The following SEPTIN2 variants were observed in gnomAD, a reference collection of about 807,000 sequenced individuals.
SEPTIN2 encodes septin-2.
Under a neutral mutation model 46.5 loss-of-function variants are expected in SEPTIN2, and 34 were observed. That is an observed-to-expected ratio of 0.73 (90% CI 0.56 to 0.97). The LOEUF (loss-of-function observed/expected upper bound fraction) is 0.97, where lower values mean the gene tolerates loss of function less well. SEPTIN2 is among the 50% of genes least tolerant of loss of function. The pLI, the probability that SEPTIN2 is intolerant of heterozygous loss-of-function variation, is 0.00. For missense variants in SEPTIN2, 347 were observed against 448.4 expected (o/e 0.77, Z 2.04); for synonymous variants, 175 against 153.4 (o/e 1.14, Z -1.04).
chr2:241,339,159 T>TGAGGC (rs2080899724), intron 7 of SEPTIN2, among the ~76,000 whole-genome samples: 1 of 149,654 alleles, frequency 6.7e-6, no homozygotes, highest in African/African-American at 2.5e-5. Context: ...TTTGGAAGGC[T>TGAGGC]GAGGCAGGCA....
intron 1 of SEPTIN2, among the ~76,000 whole-genome samples, chr2:241,322,848 CAA>C (rs1009543229): frequency 6.6e-6 from 1 of 151,778 alleles, no homozygotes; most frequent in African/African-American, 2.4e-5. Flanking sequence ...TGAAAGGTTT[CAA>C]AGAGAGAGGG....
intron 3 of SEPTIN2, among the ~76,000 whole-genome samples, chr2:241,333,697 G>A (rs2150020647): frequency 6.6e-6 from 1 of 152,074 alleles, no homozygotes; most frequent in East Asian, 1.9e-4. Context: ...TAGAGACGGG[G>A]TTTCACCATG....
At chr2:241,329,230 A>G (rs931694946) in intron 3 of SEPTIN2, among the ~76,000 whole-genome samples, 2 of 151,864 alleles carry the variant, frequency 1.3e-5, no homozygotes, top group East Asian at 4.0e-4. Flanking sequence ...GGTTCACGCC[A>G]TTCTCCCACC....
chr2:241,333,875 G>C (rs1246889078), intron 3 of SEPTIN2, among the ~76,000 whole-genome samples: 1 of 152,184 alleles, frequency 6.6e-6, no homozygotes, highest in African/African-American at 2.4e-5. Context: ...GTAAGGGACA[G>C]GGTCTCACTC....
intron 3 of SEPTIN2, among the ~76,000 whole-genome samples, chr2:241,331,648 C>T (rs191729590): frequency 2.0e-4 from 31 of 152,346 alleles, no homozygotes; most frequent in Admixed American, 1.0e-3. Flanking sequence ...TTCTCAGCCT[C>T]CCAAAGTACA....
chr2:241,335,215 A>G lies in SEPTIN2; in HGVS notation c.217+3A>G. 1 of 1,612,564 alleles carries G rather than the reference A, an allele frequency of 6.2e-7. No individual in the cohort carries two copies. Among genetic ancestry groups the G allele is most frequent in the Non-Finnish European group, 8.5e-7 (1 of 1,178,980 alleles). On this transcript the variant is annotated splice_donor_region_variant and intron_variant, in intron 4 of 12. Transcript: ENST00000391971. ...AAGAGTCATACCTGGAGCAGCAGGT[A>G]AAAACATTCTTATGTTACTGTAAGT...
At chr2:241,333,575 T>G (rs890373498) in intron 3 of SEPTIN2, among the ~76,000 whole-genome samples, 2 of 152,164 alleles carry the variant, frequency 1.3e-5, no homozygotes, top group African/African-American at 4.8e-5. Context: ...AGTGGTGCGA[T>G]CTCGGCTCAC....
chr2:241,337,130 C>G, intron 5 of SEPTIN2: 1 of 404,868 alleles, frequency 2.5e-6, no homozygotes, highest in East Asian at 4.2e-5. Context: ...CCTGTCTACA[C>G]TGGCCCTCTC....
intron 1 of SEPTIN2, among the ~76,000 whole-genome samples, chr2:241,319,126 G>A (rs2076781158): frequency 6.6e-6 from 1 of 152,134 alleles, no homozygotes; most frequent in African/African-American, 2.4e-5. Context: ...GCAATATCTG[G>A]ATCTTACTTG....
rs370945619 is a variant in SEPTIN2 at position 241,338,802 on chromosome 2, C to T, written c.594+1012C>T. ...ATATTTATATTATTTATATATAATACATATTATATTTATATTATTTATATA... is the reference window on the plus strand; with the variant it reads ...ATATTTATATTATTTATATATAATATATATTATATTTATATTATTTATATA... On this transcript the variant is annotated intron_variant, in intron 7 of 12. Coordinates refer to ENST00000391971, the MANE Select transcript of SEPTIN2 (RefSeq NM_004404.5). Among the ~76,000 whole-genome samples the T allele has an allele frequency of 4.2e-3, 341 of 81,056 alleles. 2 individuals are homozygous for T. The highest frequency in any genetic ancestry group is 0.01 in the African/African-American group (191 of 18,794). 53.2% of individuals were successfully genotyped at this position (81,056 alleles called of 152,430 possible). A position where few individuals can be genotyped will look rare whatever the true frequency, so the allele number is the denominator to read the frequency against.
chr2:241,343,828 A>G lies in SEPTIN2; in HGVS notation c.773A>G (p.Tyr258Cys). ...AKGKKVRGRL[Y>C]PWGVVEVENP... Reference sequence around the variant, plus strand: ...GGAAAGAAGGTCAGAGGCCGCCTCTACCCCTGGGGTGTTGTGGAAGTGGAG... The same window carrying G: ...GGAAAGAAGGTCAGAGGCCGCCTCTGCCCCTGGGGTGTTGTGGAAGTGGAG... The change falls in exon 9 of 13, where the codon TAC becomes TGC. Residue 258 changes from tyrosine (Y) to cysteine (C), a missense_variant. Physicochemically the swap from Tyr to Cys is radical, Grantham distance 194. Coordinates refer to ENST00000391971, the MANE Select transcript of SEPTIN2 (RefSeq NM_004404.5). 2 of 1,614,150 alleles carry G rather than the reference A, an allele frequency of 1.2e-6. No individual in the cohort carries two copies. The highest frequency in any genetic ancestry group is 2.2e-5 in the South Asian group (2 of 91,082).
chr2:241,339,677 A>G (rs2080986866), intron 7 of SEPTIN2, among the ~76,000 whole-genome samples: 1 of 151,948 alleles, frequency 6.6e-6, no homozygotes, highest in Non-Finnish European at 1.5e-5. Context: ...CTTTGACCAA[A>G]TTTACTGTTT....
At chr2:241,338,181 C>G (rs2080346677) in intron 7 of SEPTIN2, among the ~76,000 whole-genome samples, 1 of 152,102 alleles carries the variant, frequency 6.6e-6, no homozygotes. Flanking sequence ...GACTGGTTCT[C>G]TGTTCTGTTT....
At chr2:241,339,932 T>C (rs1017786743) in intron 7 of SEPTIN2, among the ~76,000 whole-genome samples, 6 of 152,248 alleles carry the variant, frequency 3.9e-5, no homozygotes, top group Non-Finnish European at 7.3e-5. Context: ...TGTTCACTTA[T>C]GTATTCCCAG....
chr2:241,343,991 C>A, intron 9 of SEPTIN2, 94 bp downstream of exon 9: 3 of 1,429,442 alleles, frequency 2.1e-6, no homozygotes, highest in Non-Finnish European at 9.7e-7. Flanking sequence ...ATAGTTGCAG[C>A]CAGCAGCTTC....
At chr2:241,341,520 A>C (rs2081258274) in intron 7 of SEPTIN2, among the ~76,000 whole-genome samples, 1 of 152,190 alleles carries the variant, frequency 6.6e-6, no homozygotes, top group Non-Finnish European at 1.5e-5. Flanking sequence ...TAAGATGAGG[A>C]CAGGTGAGCA....
At chr2:241,343,615 T>C in intron 8 of SEPTIN2, 137 bp from the exon 9 acceptor site, 2 of 899,626 alleles carry the variant, frequency 2.2e-6, no homozygotes, top group Non-Finnish European at 3.4e-6. Context: ...TTCAAGAAAA[T>C]GTTACATACC....
intron 3 of SEPTIN2, among the ~76,000 whole-genome samples, chr2:241,331,324 G>C (rs1235593643): frequency 2.0e-5 from 3 of 152,194 alleles, no homozygotes; most frequent in Admixed American, 1.3e-4. Flanking sequence ...ACAGTGCTGA[G>C]AGAAATTAAA....
intron 7 of SEPTIN2, among the ~76,000 whole-genome samples, chr2:241,338,643 A>G (rs1299328832): frequency 7.7e-6 from 1 of 129,630 alleles, no homozygotes; most frequent in Non-Finnish European, 1.6e-5. Flanking sequence ...TATATATAAT[A>G]TATATTACAT....
Sources: gnomAD v4.1 joint callset for allele counts (sites outside exome capture counted in the v4.1 genomes callset) on GRCh38, gnomAD v4.1.1 for gene constraint, MANE v1.5 for transcripts, NCBI Gene and HGNC (gene_info 2026-07-23, HGNC 2026-07-21) for gene names.